The following EFCC1 variants were observed in gnomAD, a reference collection of about 807,000 sequenced individuals.
The protein encoded by EFCC1 is EF-hand and coiled-coil domain containing 1.
A neutral mutation model predicts 52.1 loss-of-function variants in EFCC1; 50 were observed. The ratio of observed to expected loss-of-function variants is 0.96; its 90% CI spans 0.76 to 1.21. The LOEUF is 1.21. EFCC1 is among the 50% of genes most tolerant of loss of function. The pLI is 0.00. For missense variants in EFCC1, 837 were observed against 867.3 expected, an observed-to-expected ratio of 0.97 and a Z score of 0.44; for synonymous variants, 399 against 396.5, an observed-to-expected ratio of 1.01 and a Z score of -0.08.
chr3:129,018,971 GCTGCCTCCAACTGC>G (rs1945710995), intron 2 of EFCC1, among the ~76,000 whole-genome samples: 1 of 152,118 alleles, frequency 6.6e-6, no homozygotes, highest in South Asian at 2.1e-4. Context: ...TGGACACTAG[GCTGCCTCCAACTGC>G]CTGCCACTCC....
chr3:129,004,127 T>C (rs1944950149), intron 2 of EFCC1, 50 bp downstream of exon 2: 6 of 1,417,448 alleles, frequency 4.2e-6, no homozygotes, highest in Non-Finnish European at 5.5e-6. Flanking sequence ...TCGGCTCCCA[T>C]TTTCCCAAAC....
rs570251269 is a variant in EFCC1 at position 129,016,497 on chromosome 3, C to T, written c.980+12420C>T. ...GGCAGGCAGGTGGAGCTCATGGGCA[C>T]GCCCGTGTCTAGAGCCTCTGGGGAA... On this transcript the variant is annotated intron_variant, in intron 2 of 7. Coordinates refer to ENST00000683648, the MANE Select transcript of EFCC1 (RefSeq NM_001377500.1). 7.9e-5 allele frequency among the ~76,000 whole-genome samples: 12 copies of T among 151,166 alleles called. 1 individual carries two copies. The South Asian group carries it at 1.5e-3, about 19-fold the overall frequency.
At chr3:129,017,435 C>T (rs1027751772) in intron 2 of EFCC1, among the ~76,000 whole-genome samples, 10 of 152,242 alleles carry the variant, frequency 6.6e-5, no homozygotes, top group Non-Finnish European at 1.3e-4. Flanking sequence ...TGGCGGGCTT[C>T]TCTGCACAAG....
Position 129,037,101 on chromosome 3 carries a change from A to C in EFCC1, c.1577A>C (p.Gln526Pro), listed in dbSNP as rs145946324. The C allele has an allele frequency of 2.5e-6, 4 of 1,609,472 alleles. No individual in the cohort carries two copies. The East Asian group carries it at 8.9e-5, about 36-fold the overall frequency. The stretch of plus-strand genomic sequence containing the variant: ...CTGGTGGACGTGCTGCAGCTCCTGC[A>C]GAGGCTCCGGGACCTGGTAGGCTCA... Reference protein sequence around the residue: ...EKLVDVLQLLQRLRDLNISKR... With the variant: ...EKLVDVLQLLPRLRDLNISKR... The change falls in exon 6 of 8, where the codon CAG becomes CCG. Residue 526 changes from glutamine (Q) to proline (P), a missense_variant. Gln to Pro is a moderately conservative substitution (Grantham distance 76). Transcript: ENST00000683648.
chr3:129,038,928 C>A (rs758929534), intron 7 of EFCC1, 28 bp downstream of exon 7: 2 of 1,603,130 alleles, frequency 1.2e-6, no homozygotes, highest in South Asian at 2.2e-5. Flanking sequence ...TCTCTCAGAG[C>A]CCACGCAGTG....
chr3:129,002,398 G>A (rs1157025864), intron 1 of EFCC1, 74 bp downstream of exon 1: 2 of 1,465,230 alleles, frequency 1.4e-6, no homozygotes, highest in African/African-American at 2.9e-5. Flanking sequence ...TGGCTGCGGA[G>A]CCCGACAGGA....
chr3:129,010,455 G>C lies in EFCC1; in HGVS notation c.980+6378G>C, dbSNP rs1945272894. Among the ~76,000 whole-genome samples the C allele has an allele frequency of 6.6e-6, 1 of 151,796 alleles. No homozygotes were observed. The highest frequency in any genetic ancestry group is 6.6e-5 in the Admixed American group (1 of 15,260). On this transcript the variant is annotated intron_variant, in intron 2 of 7. Coordinates refer to ENST00000683648, the MANE Select transcript of EFCC1 (RefSeq NM_001377500.1). The surrounding 1 kb of genome is among the most constrained non-coding windows in gnomAD (Gnocchi z 4.3). ...CGGAACAGGGAGGAGAGGCCTGGCG[G>C]CCTGGCCTCTGGCTTTGTTGTTGGG...
chr3:129,026,598 G>A (rs1255360141), intron 2 of EFCC1, among the ~76,000 whole-genome samples: 1 of 152,090 alleles, frequency 6.6e-6, no homozygotes, highest in Non-Finnish European at 1.5e-5. Flanking sequence ...TCCCATCTTT[G>A]CTGTCTCACC....
At position 129,010,649 on chromosome 3, in the gene EFCC1, G is replaced by A. The variant is rs1229488842; in HGVS notation, c.980+6572G>A. 6.6e-6 allele frequency among the ~76,000 whole-genome samples: 1 copy of A among 152,166 alleles called. No individual in the cohort carries two copies. Among genetic ancestry groups the A allele is most frequent in the Non-Finnish European group, 1.5e-5 (1 of 68,032 alleles). On this transcript the variant is annotated intron_variant, in intron 2 of 7. Coordinates refer to ENST00000683648, the MANE Select transcript of EFCC1 (RefSeq NM_001377500.1). This position sits in a 1 kb window ranked among gnomAD's most constrained non-coding sequence, Gnocchi z 4.3. ...GGCCTGACCTGGCAGCCTTTGGGTG[G>A]GCCAAACTCAGCGGGTCCAGGGTGG...
chr3:129,001,581 C>A lies in EFCC1; in HGVS notation c.-48C>A. ...GGGGCCGCCCCTGGAAGTGGCGGGG[C>A]GAAGGGACCGGAGGAGGGACCGGAG... On this transcript the variant is annotated 5_prime_UTR_variant, in exon 1 of 8. Transcript: ENST00000683648. 1 of 1,346,482 alleles carries A rather than the reference C, an allele frequency of 7.4e-7. No individual in the cohort carries two copies. Among genetic ancestry groups the A allele is most frequent in the African/African-American group, 1.5e-5 (1 of 64,926 alleles). 83.4% of individuals were successfully genotyped at this position (1,346,482 alleles called of 1,614,324 possible).
chr3:129,030,905 C>A, intron 3 of EFCC1, 45 bp downstream of exon 3: 1 of 1,520,548 alleles, frequency 6.6e-7, no homozygotes, highest in South Asian at 1.2e-5. Context: ...CTCACAGTCC[C>A]TCCGGCTGTG....
At chr3:129,008,662 G>A (rs1316083700) in intron 2 of EFCC1, among the ~76,000 whole-genome samples, 1 of 152,250 alleles carries the variant, frequency 6.6e-6, no homozygotes, top group South Asian at 2.1e-4. Flanking sequence ...GGTGTGCCAT[G>A]TGCTGAGGGG....
At chr3:129,025,614 A>T (rs542008998) in intron 2 of EFCC1, among the ~76,000 whole-genome samples, 3 of 152,000 alleles carry the variant, frequency 2.0e-5, no homozygotes, top group Non-Finnish European at 2.9e-5. Flanking sequence ...TGTTTTGTGT[A>T]TTTGCTTGTT....
At chr3:129,025,192 G>A (rs972082027) in intron 2 of EFCC1, among the ~76,000 whole-genome samples, 5 of 152,148 alleles carry the variant, frequency 3.3e-5, no homozygotes, top group South Asian at 2.1e-4. Context: ...TCATGGGCAC[G>A]CAAAGCCATG....
At chr3:129,003,230 G>A (rs1944883000) in intron 1 of EFCC1, 9 of 985,428 alleles carry the variant, frequency 9.1e-6, no homozygotes, top group Non-Finnish European at 1.1e-5. Context: ...GGAATCCCAA[G>A]TAACGTACTG....
intron 6 of EFCC1, 126 bp downstream of exon 6, chr3:129,037,243 G>A: frequency 7.5e-7 from 1 of 1,324,914 alleles, no homozygotes; most frequent in Non-Finnish European, 9.8e-7. Flanking sequence ...CCATTTTACA[G>A]ATGCAGAAAT....
chr3:129,034,480 A>G (rs1390123812), intron 5 of EFCC1, 151 bp downstream of exon 5: 1 of 928,862 alleles, frequency 1.1e-6, no homozygotes, highest in Non-Finnish European at 1.6e-6. Context: ...TTTAAATTTA[A>G]TAAGAAATAT....
Position 129,002,136 on chromosome 3 carries a change from A to T in EFCC1, c.508A>T (p.Ile170Phe). ...RLPRGALSEH[I>F]ETQIRLRRPR... ...GCCCCGCGGCGCTCTCAGCGAGCAC[A>T]TCGAGACGCAGATCCGCCTGCGCCG... The change falls in exon 1 of 8, where the codon ATC (isoleucine) becomes TTC (phenylalanine). Residue 170 changes from isoleucine (I) to phenylalanine (F), a missense_variant. Coordinates refer to ENST00000683648, the MANE Select transcript of EFCC1 (RefSeq NM_001377500.1). The T allele has an allele frequency of 6.8e-7, 1 of 1,474,452 alleles. No individual in the cohort carries two copies. The highest frequency in any genetic ancestry group is 1.4e-5 in the South Asian group (1 of 73,680). 91.3% of individuals were successfully genotyped at this position (1,474,452 alleles called of 1,614,324 possible).
Position 129,032,880 on chromosome 3 carries a change from G to A in EFCC1, c.1200G>A (p.Val400=). ...EGQAASDEEE[V]EEERWQEEKK... is the part of the protein sequence containing the mutation. The stretch of plus-strand genomic sequence containing the variant: ...AGGCCGCCTCTGACGAGGAGGAGGT[G>A]GAGGAGGAGAGGTGGCAGGAGGAGA... Residue 400 remains valine, a synonymous_variant, in exon 4 of 8, where the codon GTG becomes GTA. Transcript: ENST00000683648. 2 of 1,551,468 alleles carry A rather than the reference G, an allele frequency of 1.3e-6. No homozygotes were observed. The highest frequency in any genetic ancestry group is 1.7e-4 in the Middle Eastern group (1 of 5,874).
Sources: gnomAD v4.1 joint callset for allele counts (sites outside exome capture counted in the v4.1 genomes callset) on GRCh38, gnomAD v4.1.1 for gene constraint, Gnocchi (gnomAD v3.1) non-coding constraint, MANE v1.5 for transcripts, NCBI Gene and HGNC (gene_info 2026-07-23, HGNC 2026-07-21) for gene names.